CCT6B: variants seen among roughly 807,000 people sequenced by gnomAD.
CCT6B encodes probable T-complex protein 1 subunit zeta-2.
CCT6B carries 49 observed loss-of-function variants against 61.5 expected under a neutral mutation model. The observed-to-expected ratio is 0.80, with a 90% CI of 0.63 to 1.01. The LOEUF (loss-of-function observed/expected upper bound fraction) is 1.01. Ranked by LOEUF, CCT6B falls within the 50% of genes least tolerant of loss-of-function variation. CCT6B has a pLI of 0.00. For missense variants in CCT6B, 666 were observed against 634.7 expected, an observed-to-expected ratio of 1.05 and a Z score of -0.53; for synonymous variants, 228 against 214.5, an observed-to-expected ratio of 1.06 and a Z score of -0.55.
intron 13 of CCT6B, among the ~76,000 whole-genome samples, chr17:34,928,662 C>T (rs564609614): frequency 1.3e-5 from 2 of 152,324 alleles, no homozygotes; most frequent in African/African-American, 4.8e-5. Flanking sequence ...CTTATTTTTA[C>T]AATATCATTT....
chr17:34,942,694 AAGAT>A, intron 6 of CCT6B, 51 bp from the exon 7 acceptor site: 1 of 1,515,652 alleles, frequency 6.6e-7, no homozygotes. Context: ...AAAAGGAAAA[AAGAT>A]AGAAGTAGTC....
At position 34,930,941 on chromosome 17, in the gene CCT6B, T is replaced by A; in HGVS notation, c.1450+8A>T. 1 of 1,508,672 alleles carries A rather than the reference T, an allele frequency of 6.6e-7. No individual in the cohort carries two copies. Among genetic ancestry groups the A allele is most frequent in the Non-Finnish European group, 9.2e-7 (1 of 1,087,292 alleles). 93.5% of individuals were successfully genotyped at this position (1,508,672 alleles called of 1,614,324 possible). Reference sequence around the variant, plus strand: ...TATTAAGCAGCTAATTTTCCTTCACTTTCTTACCTGTATTCAAATCTACGC... The same window carrying A: ...TATTAAGCAGCTAATTTTCCTTCACATTCTTACCTGTATTCAAATCTACGC... On this transcript the variant is annotated splice_region_variant and intron_variant, in intron 12 of 13. Coordinates refer to ENST00000314144, the MANE Select transcript of CCT6B (RefSeq NM_006584.4).
chr17:34,942,629 C>G lies in CCT6B; in HGVS notation c.740G>C (p.Gly247Ala), dbSNP rs2230553. Residue 247 changes from glycine (G) to alanine (A), a missense_variant, in exon 7 of 14, where the codon GGT becomes GCT. By Grantham distance (60) the Gly-to-Ala change is moderately conservative (BLOSUM62 0). Coordinates refer to ENST00000314144, the MANE Select transcript of CCT6B (RefSeq NM_006584.4). ...CTCTTCTGCAGTCTTATAAAAGAAACCAGAGTTCACCTCTCTAAAAGATTA... is the reference window on the plus strand; with the variant it reads ...CTCTTCTGCAGTCTTATAAAAGAAAGCAGAGTTCACCTCTCTAAAAGATTA... ...LEYEKTEVNS[G>A]FFYKTAEEKE... 0.34 allele frequency: 540,867 copies of G among 1,582,558 alleles called. 96,201 individuals are homozygous for G. Among genetic ancestry groups the G allele is most frequent in the Non-Finnish European group, 0.37 (431,172 of 1,168,860 alleles).
At chr17:34,933,265 T>A (rs958669607) in intron 10 of CCT6B, among the ~76,000 whole-genome samples, 1 of 152,220 alleles carries the variant, frequency 6.6e-6, no homozygotes, top group Admixed American at 6.5e-5. Flanking sequence ...AGAAAAAATT[T>A]AAGTGGTATT....
chr17:34,956,695 C>A (rs1166236013), intron 3 of CCT6B, among the ~76,000 whole-genome samples: 2 of 152,092 alleles, frequency 1.3e-5, no homozygotes, highest in African/African-American at 4.8e-5. Context: ...CTAAAGTTGG[C>A]CCAATCATAC....
chr17:34,958,379 G>A (rs1014348138), intron 3 of CCT6B, among the ~76,000 whole-genome samples, 181 bp downstream of exon 3: 4 of 152,182 alleles, frequency 2.6e-5, no homozygotes, highest in African/African-American at 9.6e-5. Context: ...GGGAGGCGGA[G>A]GTTGCAGTGA....
At chr17:34,961,132 G>T (rs2090410107) in intron 1 of CCT6B, 125 bp downstream of exon 1, 4 of 1,222,796 alleles carry the variant, frequency 3.3e-6, no homozygotes, top group Non-Finnish European at 4.5e-6. Flanking sequence ...CCAGAGCAGG[G>T]ATGAGAATGA....
chr17:34,953,888 G>T (rs978270467), intron 4 of CCT6B, among the ~76,000 whole-genome samples: 1 of 151,920 alleles, frequency 6.6e-6, no homozygotes, highest in African/African-American at 2.4e-5. Context: ...TGGGAGACGG[G>T]GGTTGCAGTG....
At chr17:34,933,751 C>A (rs2090062618) in intron 10 of CCT6B, among the ~76,000 whole-genome samples, 1 of 152,148 alleles carries the variant, frequency 6.6e-6, no homozygotes, top group African/African-American at 2.4e-5. Context: ...TAAAGCAGTA[C>A]TTAAAGAGAA....
chr17:34,936,786 A>ACTCAT (rs1219126819), intron 10 of CCT6B, among the ~76,000 whole-genome samples: 3 of 152,190 alleles, frequency 2.0e-5, no homozygotes. Flanking sequence ...CAAATAGATA[A>ACTCAT]GATGATATTC....
At chr17:34,947,099 T>C (rs1281775422) in intron 5 of CCT6B, among the ~76,000 whole-genome samples, 1 of 152,142 alleles carries the variant, frequency 6.6e-6, no homozygotes, top group African/African-American at 2.4e-5. Flanking sequence ...AAGAGAAAAT[T>C]AGCAAACAAC....
intron 10 of CCT6B, among the ~76,000 whole-genome samples, chr17:34,933,391 T>A (rs2090058409): frequency 6.6e-6 from 1 of 152,172 alleles, no homozygotes; most frequent in Admixed American, 6.5e-5. Flanking sequence ...ATCAGAAAAC[T>A]TGCTTTAAAA....
chr17:34,958,012 G>A (rs960021752), intron 3 of CCT6B, among the ~76,000 whole-genome samples: 1 of 151,860 alleles, frequency 6.6e-6, no homozygotes, highest in Non-Finnish European at 1.5e-5. Flanking sequence ...TGGATACATG[G>A]GTAATTTTTT....
At chr17:34,958,773 G>T in intron 2 of CCT6B, 79 bp from the exon 3 acceptor site, 1 of 1,039,660 alleles carries the variant, frequency 9.6e-7, no homozygotes, top group East Asian at 2.8e-5. Context: ...TAACCTAGGG[G>T]TCAGTAGCAA....
At position 34,939,111 on chromosome 17, in the gene CCT6B, G is replaced by A. The variant is rs2090128974; in HGVS notation, c.1213+72C>T. On this transcript the variant is annotated intron_variant, in intron 10 of 13. Coordinates refer to ENST00000314144, the MANE Select transcript of CCT6B (RefSeq NM_006584.4). ...AATATACATATATACATACATAGGT[G>A]TGTGTGTATATATATATACATATAT... 14 of 1,169,118 alleles carry A rather than the reference G, an allele frequency of 1.2e-5. No homozygotes were observed. In the Admixed American group the frequency reaches 2.7e-4, roughly 22 times the overall value. 72.4% of individuals were successfully genotyped at this position (1,169,118 alleles called of 1,614,324 possible).
chr17:34,956,024 C>A (rs565244604), intron 3 of CCT6B, among the ~76,000 whole-genome samples: 2 of 152,298 alleles, frequency 1.3e-5, no homozygotes, highest in South Asian at 4.1e-4. Context: ...CTGGTCTAGA[C>A]TCCCTTAAAA....
chr17:34,938,140 T>C (rs921478621), intron 10 of CCT6B, among the ~76,000 whole-genome samples: 1 of 152,120 alleles, frequency 6.6e-6, no homozygotes, highest in African/African-American at 2.4e-5. Flanking sequence ...TCCTCCCATC[T>C]TGGCCTCCCA....
chr17:34,961,192 T>G (rs2090411423), intron 1 of CCT6B, 65 bp downstream of exon 1: 2 of 1,529,044 alleles, frequency 1.3e-6, no homozygotes, highest in Middle Eastern at 2.4e-4. Context: ...GACGCCTGCC[T>G]CAGAGGGCGA....
Position 34,952,000 on chromosome 17 carries a change from G to T in CCT6B, c.564C>A (p.Leu188=). 3 of 1,609,706 alleles carry T rather than the reference G, an allele frequency of 1.9e-6. No individual in the cohort carries two copies. The South Asian group carries it at 3.3e-5, about 18-fold the overall frequency. The change falls in exon 5 of 14, where the codon CTC becomes CTA. Residue 188 remains leucine (L), a synonymous_variant. Coordinates refer to ENST00000314144, the MANE Select transcript of CCT6B (RefSeq NM_006584.4). ...AVRRPGYPID[L]FMVEIMEMKH... ...TCATCTCCATTATTTCTACCATGAA[G>T]AGATCAATAGGGTAACCTGGTCTTC...
Sources: allele counts gnomAD v4.1 joint callset (sites outside exome capture counted in the v4.1 genomes callset), GRCh38; gene constraint gnomAD v4.1.1; transcripts MANE v1.5; gene names NCBI Gene and HGNC (gene_info 2026-07-23, HGNC 2026-07-21).